Variants in TSHZ2 observed in about 807,000 individuals in gnomAD.
The protein encoded by TSHZ2 is teashirt zinc finger homeobox 2.
Under a neutral mutation model 74.4 loss-of-function variants are expected in TSHZ2, and 21 were observed. That is an observed-to-expected ratio of 0.28 (90% confidence interval 0.20 to 0.41). TSHZ2 has a LOEUF of 0.41. Among genes scored for constraint, TSHZ2 ranks in the 10% least tolerant of loss-of-function variants. The pLI is 1.00. For missense variants in TSHZ2, 1,244 were observed against 1,293.5 expected (o/e 0.96, Z 0.59); for synonymous variants, 540 against 515.3 (o/e 1.05, Z -0.65).
intron 2 of TSHZ2, among the ~76,000 whole-genome samples, chr20:53,295,673 A>G (rs1287439925): frequency 6.6e-6 from 1 of 152,228 alleles, no homozygotes; most frequent in Admixed American, 6.5e-5. Flanking sequence ...ATGACAAAAG[A>G]TACATAAAGT....
Position 53,137,139 on chromosome 20 carries a change from C to A in TSHZ2, c.41-116360C>A, listed in dbSNP as rs974008301. On this transcript the variant is annotated intron_variant, in intron 1 of 2. Coordinates refer to ENST00000371497, the MANE Select transcript of TSHZ2 (RefSeq NM_173485.6). ...TACTTCAATTTCCCACTGTAGTTAT[C>A]CTGGTTTGCCTTTATCATTGATAGT... Among the ~76,000 whole-genome samples, 7 of 152,172 alleles carry A rather than the reference C, an allele frequency of 4.6e-5. 1 individual carries two copies. Among genetic ancestry groups the A allele is most frequent in the Admixed American group, 4.6e-4 (7 of 15,272 alleles).
At chr20:53,448,095 A>G (rs1376856626) in intron 2 of TSHZ2, among the ~76,000 whole-genome samples, 2 of 151,832 alleles carry the variant, frequency 1.3e-5, no homozygotes, top group African/African-American at 4.8e-5. Context: ...TTGTATTTTT[A>G]GTAGAGATGG....
chr20:53,395,796 T>C (rs1982423127), intron 2 of TSHZ2, among the ~76,000 whole-genome samples: 1 of 152,192 alleles, frequency 6.6e-6, no homozygotes, highest in Non-Finnish European at 1.5e-5. Flanking sequence ...GAAGGAACAT[T>C]GAAATAAACG....
intron 1 of TSHZ2, among the ~76,000 whole-genome samples, chr20:53,163,211 G>C (rs914507958): frequency 1.3e-5 from 2 of 152,048 alleles, no homozygotes; most frequent in African/African-American, 4.8e-5. Flanking sequence ...TGAGATCCCT[G>C]TCCTTGTGTG....
At chr20:53,003,814 G>C (rs1422017260) in intron 1 of TSHZ2, among the ~76,000 whole-genome samples, 3 of 152,110 alleles carry the variant, frequency 2.0e-5, no homozygotes, top group Non-Finnish European at 4.4e-5. Context: ...GGGGACCTGG[G>C]ATGTGCTGTC....
chr20:53,223,340 G>A (rs1600750978), intron 1 of TSHZ2, among the ~76,000 whole-genome samples: 3 of 152,246 alleles, frequency 2.0e-5, no homozygotes, highest in Admixed American at 6.5e-5. Context: ...ATTATGCCAA[G>A]CTTTTTAAAA....
At chr20:53,217,675 A>G (rs370186512) in intron 1 of TSHZ2, among the ~76,000 whole-genome samples, 1 of 152,176 alleles carries the variant, frequency 6.6e-6, no homozygotes, top group East Asian at 1.9e-4. Context: ...AGAACTTCTC[A>G]GAAGGCATCT....
At chr20:53,480,655 G>T (rs936718993) in intron 2 of TSHZ2, among the ~76,000 whole-genome samples, 8 of 152,148 alleles carry the variant, frequency 5.3e-5, no homozygotes, top group Non-Finnish European at 1.5e-5. Context: ...ACATTGCAAG[G>T]AGCCTCACGT....
At chr20:53,016,920 TG>T (rs370240571) in intron 1 of TSHZ2, among the ~76,000 whole-genome samples, 1 of 152,030 alleles carries the variant, frequency 6.6e-6, no homozygotes, top group African/African-American at 2.4e-5. Context: ...GAGTTGCAGG[TG>T]GGGGGCTTGC....
rs547636158 is a variant in TSHZ2 at position 53,475,178 on chromosome 20, T to C, written c.*9-11966T>C. On this transcript the variant is annotated intron_variant, in intron 2 of 2. Transcript: ENST00000371497. ...TGGACCTAATGGACATCTACATAACTCTCCACCCCAAATCAACAGAATATA... is the reference window on the plus strand; with the variant it reads ...TGGACCTAATGGACATCTACATAACCCTCCACCCCAAATCAACAGAATATA... Among the ~76,000 whole-genome samples the C allele has an allele frequency of 1.0e-4, 14 of 139,260 alleles. 3 individuals are homozygous for C. Among genetic ancestry groups the C allele is most frequent in the African/African-American group, 3.9e-4 (14 of 35,674 alleles). 91.4% of individuals were successfully genotyped at this position (139,260 alleles called of 152,430 possible). A position where few individuals can be genotyped will look rare whatever the true frequency, so the allele number is the denominator to read the frequency against.
chr20:53,169,953 T>C (rs946862166), intron 1 of TSHZ2, among the ~76,000 whole-genome samples: 1 of 152,184 alleles, frequency 6.6e-6, no homozygotes. Context: ...TATAAGTGTG[T>C]ATATTTACAT....
chr20:53,142,824 A>G (rs79326486), intron 1 of TSHZ2, among the ~76,000 whole-genome samples: 5 of 69,060 alleles, frequency 7.2e-5, no homozygotes, highest in Non-Finnish European at 1.0e-4. Context: ...TATTAAGATG[A>G]AAAAAAAAAA....
intron 2 of TSHZ2, among the ~76,000 whole-genome samples, chr20:53,470,707 A>G (rs1985772042): frequency 6.6e-6 from 1 of 152,160 alleles, no homozygotes; most frequent in Non-Finnish European, 1.5e-5. Flanking sequence ...CCAGCCACTC[A>G]GAAGGCTAAG....
At chr20:53,472,875 C>T (rs141119534) in intron 2 of TSHZ2, among the ~76,000 whole-genome samples, 31,625 of 151,604 alleles carry the variant, frequency 0.21, 3,559 homozygotes, top group African/African-American at 0.3. Context: ...GTTCCCTTTC[C>T]GAGTCAAAGA....
chr20:53,102,370 G>A (rs1266523365), intron 1 of TSHZ2, among the ~76,000 whole-genome samples: 1 of 150,136 alleles, frequency 6.7e-6, no homozygotes, highest in East Asian at 2.0e-4. Context: ...TTCACTTTTT[G>A]TCACATAGAC....
chr20:53,238,321 C>T (rs1361285769), intron 1 of TSHZ2, among the ~76,000 whole-genome samples: 3 of 152,102 alleles, frequency 2.0e-5, no homozygotes, highest in Non-Finnish European at 4.4e-5. Context: ...TTGGGAGGAA[C>T]ATAGTGTAGT....
chr20:53,025,820 C>T (rs1439120322), intron 1 of TSHZ2, among the ~76,000 whole-genome samples: 3 of 152,158 alleles, frequency 2.0e-5, no homozygotes, highest in Non-Finnish European at 2.9e-5. Flanking sequence ...TATGAGCTTC[C>T]AATTCTCTCC....
chr20:53,219,931 C>A (rs754032215), intron 1 of TSHZ2, among the ~76,000 whole-genome samples: 11 of 152,126 alleles, frequency 7.2e-5, no homozygotes, highest in Non-Finnish European at 1.6e-4. Context: ...GTTGACTCCT[C>A]GATTTTGCAA....
chr20:53,253,809 A>G lies in TSHZ2; in HGVS notation c.351A>G (p.Glu117=), dbSNP rs1409955122. 8 of 1,614,080 alleles carry G rather than the reference A, an allele frequency of 5.0e-6. No individual in the cohort carries two copies. In the African/African-American group the frequency reaches 1.1e-4, roughly 22 times the overall value. Residue 117 remains glutamate (E), a synonymous_variant, in exon 2 of 3, where the codon GAA becomes GAG. Transcript: ENST00000371497. The stretch of plus-strand genomic sequence containing the variant: ...ACACTCACGTCAGGCTTCCAAACGA[A>G]GCACACAATTGCATGGATAAAATGA... ...KAHTHVRLPN[E]AHNCMDKMTA...
Sources: allele counts gnomAD v4.1 joint callset (sites outside exome capture counted in the v4.1 genomes callset), GRCh38; gene constraint gnomAD v4.1.1; transcripts MANE v1.5; gene names NCBI Gene and HGNC (gene_info 2026-07-23, HGNC 2026-07-21).